The following NPHP1 variants were observed in gnomAD, a reference collection of about 807,000 sequenced individuals.
NPHP1 encodes the protein nephrocystin 1, also known as nephrocystin-1.
Under a neutral mutation model 90.4 loss-of-function variants are expected in NPHP1, and 70 were observed. That is an observed-to-expected ratio of 0.77 (90% CI 0.64 to 0.95). NPHP1 has a LOEUF of 0.95. Ranked by LOEUF, NPHP1 falls within the 40% of genes least tolerant of loss-of-function variation. The pLI is 0.00. For missense variants in NPHP1, 764 were observed against 795.9 expected (o/e 0.96, Z 0.48); for synonymous variants, 256 against 271.7 (o/e 0.94, Z 0.57).
intron 5 of NPHP1, 107 bp downstream of exon 5, chr2:110,169,699 A>T: frequency 1.3e-6 from 1 of 773,858 alleles, no homozygotes; most frequent in South Asian, 1.4e-5. Flanking sequence ...GATTGTTATA[A>T]AACTGCATTT....
intron 4 of NPHP1, among the ~76,000 whole-genome samples, chr2:110,172,341 T>C (rs539170246): frequency 2.6e-5 from 4 of 152,284 alleles, no homozygotes; most frequent in Admixed American, 6.5e-5. Flanking sequence ...GCCTACTGTA[T>C]GTCTGTTTAT....
chr2:110,180,340 G>A (rs925412803), intron 2 of NPHP1, among the ~76,000 whole-genome samples: 3 of 150,312 alleles, frequency 2.0e-5, no homozygotes, highest in Admixed American at 2.0e-4. Flanking sequence ...CAAATGAGAA[G>A]TACAAAAAAT....
chr2:110,125,128 T>G, intron 19 of NPHP1: 1 of 1,445,356 alleles, frequency 6.9e-7, no homozygotes, highest in Non-Finnish European at 9.1e-7. Context: ...AAGAAGATTT[T>G]CCATCTATAG....
chr2:110,158,858 A>G (rs1220883337), intron 11 of NPHP1, among the ~76,000 whole-genome samples: 1 of 151,988 alleles, frequency 6.6e-6, no homozygotes, highest in Non-Finnish European at 1.5e-5. Flanking sequence ...TGGTCTTAGG[A>G]AAAAAGTGTT....
chr2:110,187,752 A>T (rs1027895088), intron 2 of NPHP1, among the ~76,000 whole-genome samples: 3 of 152,268 alleles, frequency 2.0e-5, no homozygotes, highest in South Asian at 4.1e-4. Flanking sequence ...ATGAACATCG[A>T]TACAAAAATC....
intron 13 of NPHP1, among the ~76,000 whole-genome samples, chr2:110,147,425 C>T (rs1425167297): frequency 6.6e-6 from 1 of 152,096 alleles, no homozygotes; most frequent in Admixed American, 6.5e-5. Flanking sequence ...TATACTATAC[C>T]TATCAAGCTA....
chr2:110,151,708 T>A (rs1681484189), intron 11 of NPHP1, among the ~76,000 whole-genome samples: 1 of 152,152 alleles, frequency 6.6e-6, no homozygotes, highest in Admixed American at 6.5e-5. Context: ...TGAAATTATG[T>A]ATATTTACCA....
intron 19 of NPHP1, chr2:110,124,400 T>C: frequency 2.7e-6 from 1 of 367,370 alleles, no homozygotes; most frequent in South Asian, 3.1e-5. Context: ...GGGGTAAATA[T>C]AACTAAAACA....
At chr2:110,176,082 G>C (rs139009522) in intron 4 of NPHP1, among the ~76,000 whole-genome samples, 2 of 151,566 alleles carry the variant, frequency 1.3e-5, no homozygotes, top group Non-Finnish European at 2.9e-5. Flanking sequence ...TTAAGATTTC[G>C]CTCTATTCAT....
In NPHP1 at chr2:110,131,792, C is replaced by A; in HGVS notation, c.1530-1G>T. On this transcript the variant is annotated splice_acceptor_variant, in intron 16 of 19. Transcript: ENST00000445609. LOFTEE classifies it high-confidence loss of function. ...TCCAATTAATGTTTCTGGCAGTAGACTATTAAAGAAGAAAAAAATGTATTC... is the reference window on the plus strand; with the variant it reads ...TCCAATTAATGTTTCTGGCAGTAGAATATTAAAGAAGAAAAAAATGTATTC... 6.4e-7 allele frequency: 1 copy of A among 1,559,980 alleles called. No individual in the cohort carries two copies. The highest frequency in any genetic ancestry group is 1.1e-5 in the South Asian group (1 of 89,574).
intron 11 of NPHP1, among the ~76,000 whole-genome samples, chr2:110,158,411 A>T (rs1334611808): frequency 6.6e-6 from 1 of 152,054 alleles, no homozygotes; most frequent in Non-Finnish European, 1.5e-5. Context: ...CCCCAACTAT[A>T]ATAGAGGCCC....
intron 16 of NPHP1, among the ~76,000 whole-genome samples, chr2:110,135,021 G>T (rs531004009): frequency 6.6e-6 from 1 of 152,134 alleles, no homozygotes; most frequent in Admixed American, 6.5e-5. Context: ...AAATGATGTA[G>T]AAATATGTAG....
chr2:110,192,997 C>T (rs1329855682), intron 2 of NPHP1, among the ~76,000 whole-genome samples: 1 of 152,072 alleles, frequency 6.6e-6, no homozygotes, highest in African/African-American at 2.4e-5. Context: ...AAAAGAGCTC[C>T]TGAAGGAAGC....
chr2:110,165,557 C>T (rs1299149864), intron 6 of NPHP1, among the ~76,000 whole-genome samples: 1 of 151,940 alleles, frequency 6.6e-6, no homozygotes, highest in Non-Finnish European at 1.5e-5. Flanking sequence ...CCTTTCCAAT[C>T]ATGATACAAA....
At chr2:110,182,624 G>A (rs1046107802) in intron 2 of NPHP1, among the ~76,000 whole-genome samples, 1 of 152,108 alleles carries the variant, frequency 6.6e-6, no homozygotes, top group South Asian at 2.1e-4. Context: ...GGCCTGCCCT[G>A]CAAGAGCTCC....
chr2:110,197,512 C>G (rs558511957), intron 2 of NPHP1, among the ~76,000 whole-genome samples: 1 of 152,038 alleles, frequency 6.6e-6, no homozygotes, highest in Non-Finnish European at 1.5e-5. Flanking sequence ...AGGGGGCCCA[C>G]GGCTGCCAGT....
At chr2:110,134,781 C>T (rs1296297525) in intron 16 of NPHP1, among the ~76,000 whole-genome samples, 1 of 151,904 alleles carries the variant, frequency 6.6e-6, no homozygotes, top group Non-Finnish European at 1.5e-5. Flanking sequence ...AAATTTGACA[C>T]CCTTTCATGA....
chr2:110,125,728 C>A, intron 18 of NPHP1, 47 bp from the exon 19 acceptor site: 2 of 1,468,134 alleles, frequency 1.4e-6, no homozygotes, highest in South Asian at 1.1e-5. Context: ...AGTAACAAGT[C>A]CTTGCAACAC....
At chr2:110,143,507 C>T in intron 16 of NPHP1, 35 bp downstream of exon 16, 2 of 1,429,174 alleles carry the variant, frequency 1.4e-6, no homozygotes, top group South Asian at 1.1e-5. Flanking sequence ...CTGAATGATC[C>T]CAAATTCACT....
Sources: allele counts gnomAD v4.1 joint callset (sites outside exome capture counted in the v4.1 genomes callset), GRCh38; gene constraint gnomAD v4.1.1; transcripts MANE v1.5; gene names NCBI Gene and HGNC (gene_info 2026-07-23, HGNC 2026-07-21).